NUMB: variants seen among roughly 807,000 people sequenced by gnomAD.
NUMB encodes NUMB endocytic adaptor protein.
A neutral mutation model predicts 59.7 loss-of-function variants in NUMB; 29 were observed. The observed-to-expected ratio is 0.49, with a 90% CI of 0.36 to 0.66. NUMB has a LOEUF of 0.66. NUMB is among the 30% of genes least tolerant of loss of function. The pLI, the probability that NUMB is intolerant of heterozygous loss-of-function variation, is 0.00. For missense variants in NUMB, 723 were observed against 822.0 expected, an observed-to-expected ratio of 0.88 and a Z score of 1.47; for synonymous variants, 288 against 288.2, an observed-to-expected ratio of 1.00 and a Z score of 0.01.
chr14:73,301,552 T>C (rs1256195988), intron 6 of NUMB, among the ~76,000 whole-genome samples: 1 of 152,052 alleles, frequency 6.6e-6, no homozygotes, highest in Admixed American at 6.6e-5. Context: ...ATTCTCCCAC[T>C]TCAGCCTCCC....
At chr14:73,403,419 A>G (rs1896509115) in intron 2 of NUMB, among the ~76,000 whole-genome samples, 1 of 152,216 alleles carries the variant, frequency 6.6e-6, no homozygotes, top group East Asian at 1.9e-4. Flanking sequence ...ATAATTAAAA[A>G]CAAAGTCACA....
chr14:73,280,686 A>ATTTTTT (rs397852698), intron 11 of NUMB, among the ~76,000 whole-genome samples: 34 of 87,686 alleles, frequency 3.9e-4, no homozygotes, highest in East Asian at 1.0e-3. Flanking sequence ...TGTTGGTACT[A>ATTTTTT]TTTTTTTTTT....
intron 1 of NUMB, among the ~76,000 whole-genome samples, chr14:73,455,393 A>T (rs920643905): frequency 3.3e-5 from 5 of 152,226 alleles, no homozygotes; most frequent in African/African-American, 1.2e-4. Context: ...AAATCAAACC[A>T]CGTACAGATA....
chr14:73,299,541 G>A (rs1566732763), intron 6 of NUMB, among the ~76,000 whole-genome samples: 1 of 130,510 alleles, frequency 7.7e-6, no homozygotes, highest in Non-Finnish European at 1.6e-5. Flanking sequence ...GTATATATAT[G>A]TCATATATGT....
chr14:73,319,472 G>A (rs1049691979), intron 5 of NUMB, among the ~76,000 whole-genome samples: 1 of 152,068 alleles, frequency 6.6e-6, no homozygotes, highest in Admixed American at 6.6e-5. Flanking sequence ...TAATTTCAAA[G>A]ATATCCTATT....
chr14:73,287,387 T>G, intron 8 of NUMB, 73 bp from the exon 9 acceptor site: 1 of 1,331,478 alleles, frequency 7.5e-7, no homozygotes, highest in Admixed American at 2.3e-5. Flanking sequence ...TCTTTTGTTT[T>G]GTTTTGTTTT....
chr14:73,350,757 G>A (rs1893206848), intron 4 of NUMB, among the ~76,000 whole-genome samples: 1 of 142,646 alleles, frequency 7.0e-6, no homozygotes, highest in South Asian at 2.2e-4. Context: ...TCGAACTCTT[G>A]GGCTCAAGTA....
intron 2 of NUMB, among the ~76,000 whole-genome samples, chr14:73,372,317 A>ATATATATATATAACCTTT (rs1555375698): frequency 9.3e-6 from 1 of 107,698 alleles, no homozygotes; most frequent in African/African-American, 3.3e-5. Context: ...ATATATATAT[A>ATATATATATATAACCTTT]TATATATATA....
At chr14:73,295,340 C>T (rs1889706130) in intron 7 of NUMB, among the ~76,000 whole-genome samples, 1 of 152,156 alleles carries the variant, frequency 6.6e-6, no homozygotes, top group Non-Finnish European at 1.5e-5. Context: ...TACTACTATT[C>T]AGTGTGGAAA....
chr14:73,320,302 C>G (rs570857697), intron 5 of NUMB, among the ~76,000 whole-genome samples: 2 of 152,256 alleles, frequency 1.3e-5, no homozygotes, highest in South Asian at 4.1e-4. Flanking sequence ...TAAATAACTT[C>G]TTGATAAGAA....
chr14:73,416,396 C>T (rs560281786), intron 1 of NUMB, among the ~76,000 whole-genome samples: 3 of 150,920 alleles, frequency 2.0e-5, no homozygotes, highest in Non-Finnish European at 4.4e-5. Flanking sequence ...TGTGGGGGCG[C>T]ACTCCTATTC....
intron 8 of NUMB, among the ~76,000 whole-genome samples, chr14:73,288,764 C>T (rs1021632337): frequency 4.0e-5 from 6 of 151,758 alleles, no homozygotes; most frequent in African/African-American, 1.5e-4. Context: ...GAGGCTGAGG[C>T]AGGAGAATCA....
intron 2 of NUMB, among the ~76,000 whole-genome samples, chr14:73,386,886 T>TA (rs1895563520): frequency 2.3e-5 from 2 of 87,476 alleles, no homozygotes; most frequent in African/African-American, 4.2e-5. Context: ...TTTTTTTTTT[T>TA]TTTTTTTTTT....
chr14:73,364,497 C>T (rs929638475), intron 3 of NUMB, among the ~76,000 whole-genome samples: 21 of 151,852 alleles, frequency 1.4e-4, no homozygotes, highest in African/African-American at 4.6e-4. Flanking sequence ...GAGCAAGACC[C>T]TGTCTCAAAT....
rs1166961503 is a variant in NUMB at position 73,276,836 on chromosome 14, C to T, written c.1698G>A (p.Glu566=). The T allele has an allele frequency of 6.2e-7, 1 of 1,614,106 alleles. No homozygotes were observed. The change falls in exon 13 of 13, where the codon GAG becomes GAA. Residue 566 remains glutamate, a synonymous_variant. Transcript: ENST00000555238. ...LVRQQTFPHY[E]ASSATTSPFF... ...AGGGACTGGTGGTAGCACTGCTTGC[C>T]TCGTAGTGAGGGAATGTCTGCTGCC...
rs956683174 is a variant in NUMB, at chr14:73,291,786, C to T, written c.450+948G>A. Among the ~76,000 whole-genome samples the T allele has an allele frequency of 4.0e-5, 6 of 151,632 alleles. No homozygotes were observed. The East Asian group carries it at 5.8e-4, about 15-fold the overall frequency. On this transcript the variant is annotated intron_variant, in intron 8 of 12. Transcript: ENST00000555238. The stretch of plus-strand genomic sequence containing the variant: ...GCAACCTCTACCTCCTGGGTTCAAG[C>T]GATTCTTCTGCCTCAGCCTCCCGAG...
chr14:73,424,776 A>T (rs1178614495), intron 1 of NUMB, among the ~76,000 whole-genome samples: 1 of 152,228 alleles, frequency 6.6e-6, no homozygotes, highest in African/African-American at 2.4e-5. Flanking sequence ...TCTCTCCACT[A>T]ATTCAAACCC....
In NUMB at chr14:73,287,201, A is replaced by G; in HGVS notation, c.564T>C (p.Thr188=). The part of the protein sequence containing the change: ...VTATFDASRT[T]FTREGSFRVT... Reference sequence around the variant, plus strand: ...CACGGAATGATCCTTCTCTTGTAAAAGTGGTCCGACTAGCATCAAAAGTAG... The same window carrying G: ...CACGGAATGATCCTTCTCTTGTAAAGGTGGTCCGACTAGCATCAAAAGTAG... Residue 188 remains threonine (T), a synonymous_variant, in exon 9 of 13, where the codon ACT becomes ACC. Coordinates refer to ENST00000555238, the MANE Select transcript of NUMB (RefSeq NM_001005743.2). 6.2e-7 allele frequency: 1 copy of G among 1,613,810 alleles called. No homozygotes were observed. Among genetic ancestry groups the G allele is most frequent in the Non-Finnish European group, 8.5e-7 (1 of 1,179,980 alleles).
intron 1 of NUMB, among the ~76,000 whole-genome samples, chr14:73,443,808 G>A (rs1328852127): frequency 3.3e-5 from 5 of 151,850 alleles, no homozygotes; most frequent in African/African-American, 9.7e-5. Flanking sequence ...CCACCACCAA[G>A]CCCAGCTAAT....
Sources: gnomAD v4.1 joint callset for allele counts (sites outside exome capture counted in the v4.1 genomes callset) on GRCh38, gnomAD v4.1.1 for gene constraint, MANE v1.5 for transcripts, NCBI Gene and HGNC (gene_info 2026-07-23, HGNC 2026-07-21) for gene names.